The following FBRSL1 variants were observed in gnomAD, a reference collection of about 807,000 sequenced individuals.
FBRSL1 encodes fibrosin-1-like protein.
A neutral mutation model predicts 89.6 loss-of-function variants in FBRSL1; 51 were observed. The ratio of observed to expected loss-of-function variants is 0.57; its 90% CI spans 0.45 to 0.72. The LOEUF is 0.72. Ranked by LOEUF, FBRSL1 falls within the 30% of genes least tolerant of loss-of-function variation. The pLI, the probability that FBRSL1 is intolerant of heterozygous loss-of-function variation, is 0.00. For missense variants in FBRSL1, 1,618 were observed against 1,451.8 expected (o/e 1.11, Z -1.86); for synonymous variants, 779 against 681.1 (o/e 1.14, Z -2.24).
intron 2 of FBRSL1, chr12:132,511,099 G>A: frequency 3.0e-6 from 3 of 985,562 alleles, no homozygotes; most frequent in Non-Finnish European, 3.6e-6. Context: ...GTCAGGAGGT[G>A]CTGGTGTCCA....
At chr12:132,562,840 C>T (rs1431009388) in intron 5 of FBRSL1, among the ~76,000 whole-genome samples, 9 of 152,142 alleles carry the variant, frequency 5.9e-5, no homozygotes, top group Admixed American at 5.2e-4. Flanking sequence ...CTAGGAAGGG[C>T]TTCCCATTCC....
chr12:132,490,396 A>T lies in FBRSL1; in HGVS notation c.-175A>T. ...CCAGGCCGCGCCGGGCCCGGGGCTG[A>T]GCCGCCCCCCGCGCCCGGCATGCCC... is the stretch of plus-strand genomic sequence containing the variant. On this transcript the variant is annotated 5_prime_UTR_variant, in exon 1 of 19. The change abolishes the stop of an existing upstream ORF in the 5' untranslated region. Transcript: ENST00000680143. 4.3e-6 allele frequency: 1 copy of T among 231,850 alleles called. No homozygotes were observed. Among genetic ancestry groups the T allele is most frequent in the Non-Finnish European group, 6.6e-6 (1 of 150,420 alleles). The allele number at this position is 231,850 out of a possible 1,614,324, so 14.4% of individuals were successfully genotyped here.
intron 4 of FBRSL1, among the ~76,000 whole-genome samples, chr12:132,528,508 C>T (rs1398909790): frequency 1.3e-5 from 2 of 151,818 alleles, no homozygotes; most frequent in South Asian, 2.1e-4. Context: ...GCCAGCACCC[C>T]GTGGCGGGCA....
At chr12:132,529,344 C>A (rs993923165) in intron 4 of FBRSL1, among the ~76,000 whole-genome samples, 1 of 152,204 alleles carries the variant, frequency 6.6e-6, no homozygotes, top group Non-Finnish European at 1.5e-5. Flanking sequence ...GGCAAGGGAG[C>A]GGCATGGGCG....
chr12:132,531,717 C>G (rs887171920), intron 4 of FBRSL1, among the ~76,000 whole-genome samples: 1 of 152,200 alleles, frequency 6.6e-6, no homozygotes, highest in African/African-American at 2.4e-5. Flanking sequence ...GTGTTGTGCA[C>G]GTGTGCACCC....
chr12:132,525,833 C>T lies in FBRSL1; in HGVS notation c.579+10C>T. ...GGACCCGCTCAGCGATGTGAGTACC[C>T]AGCTGCCCGCGCCCGGAGGCTCCGA... On this transcript the variant is annotated intron_variant, in intron 3 of 18. Coordinates refer to ENST00000680143, the MANE Select transcript of FBRSL1 (RefSeq NM_001367871.1). The T allele has an allele frequency of 1.9e-6, 3 of 1,541,032 alleles. No individual in the cohort carries two copies. The South Asian group carries it at 3.6e-5, about 18-fold the overall frequency.
chr12:132,565,532 T>TACACGTACCGAGTGTGCTCAC (rs1248376334), intron 5 of FBRSL1: 1 of 151,514 alleles, frequency 6.6e-6, no homozygotes, highest in Admixed American at 6.6e-5. Context: ...AGTGTGCTCA[T>TACACGTACCGAGTGTGCTCAC]GTACACGTAC....
Position 132,525,725 on chromosome 12 carries a change from C to G in FBRSL1, c.490-9C>G. The G allele has an allele frequency of 8.4e-6, 13 of 1,546,556 alleles. No individual in the cohort carries two copies. Among genetic ancestry groups the G allele is most frequent in the Non-Finnish European group, 1.1e-5 (13 of 1,143,392 alleles). ...GGTTTGCCTGAGACAGTGTCTCTCTCTGTCCCAGATGAAGGTCACCGTGTC... is the reference window on the plus strand; with the variant it reads ...GGTTTGCCTGAGACAGTGTCTCTCTGTGTCCCAGATGAAGGTCACCGTGTC... On this transcript the variant is annotated splice_polypyrimidine_tract_variant and intron_variant, in intron 2 of 18. Coordinates refer to ENST00000680143, the MANE Select transcript of FBRSL1 (RefSeq NM_001367871.1).
At chr12:132,492,754 C>T (rs1425718427) in intron 1 of FBRSL1, among the ~76,000 whole-genome samples, 1 of 152,220 alleles carries the variant, frequency 6.6e-6, no homozygotes, top group Non-Finnish European at 1.5e-5. Context: ...TGCTGCGTGG[C>T]GTTAACACAG....
chr12:132,547,210 C>A (rs957535114), intron 4 of FBRSL1, among the ~76,000 whole-genome samples: 3 of 148,244 alleles, frequency 2.0e-5, no homozygotes, highest in African/African-American at 7.5e-5. Context: ...GGAGAACGGA[C>A]AGTCAGTGTG....
intron 1 of FBRSL1, among the ~76,000 whole-genome samples, chr12:132,494,137 C>A (rs1442695073): frequency 6.6e-6 from 1 of 152,184 alleles, no homozygotes; most frequent in Non-Finnish European, 1.5e-5. Context: ...CCGCTGGCCT[C>A]TCCCCTGCTC....
intron 4 of FBRSL1, among the ~76,000 whole-genome samples, chr12:132,543,581 C>T (rs1317899340): frequency 6.6e-6 from 1 of 152,156 alleles, no homozygotes; most frequent in East Asian, 1.9e-4. Context: ...TGTTGGCAGC[C>T]AATTTTAAAA....
At chr12:132,567,638 T>C (rs1172225091) in intron 6 of FBRSL1, 112 bp downstream of exon 6, 2 of 1,139,378 alleles carry the variant, frequency 1.8e-6, no homozygotes, top group Non-Finnish European at 2.6e-6. Context: ...TCTTGGCACC[T>C]GGGGTGCAGA....
intron 16 of FBRSL1, 64 bp from the exon 17 acceptor site, chr12:132,581,677 T>A (rs1020321604): frequency 4.6e-6 from 7 of 1,521,724 alleles, no homozygotes; most frequent in Non-Finnish European, 5.4e-6. Context: ...CAGCCCCCAC[T>A]GGGCCAGGTG....
chr12:132,532,617 G>A (rs1008328996), intron 4 of FBRSL1, among the ~76,000 whole-genome samples: 4 of 152,086 alleles, frequency 2.6e-5, no homozygotes, highest in Admixed American at 6.5e-5. Context: ...TGTGCTGAGC[G>A]TGTCCATGGC....
rs369176886 is a variant in FBRSL1, at chr12:132,502,970, C to T, written c.292-5183C>T. On this transcript the variant is annotated intron_variant, in intron 1 of 18. Coordinates refer to ENST00000680143, the MANE Select transcript of FBRSL1 (RefSeq NM_001367871.1). ...GGCAGCACTGCTGTTCTCCATGACACCGTCACCAATGGTCTGGGTCTCCGA... is the reference window on the plus strand; with the variant it reads ...GGCAGCACTGCTGTTCTCCATGACATCGTCACCAATGGTCTGGGTCTCCGA... Among the ~76,000 whole-genome samples the T allele has an allele frequency of 5.3e-5, 8 of 151,838 alleles. No individual in the cohort carries two copies. In the South Asian group the frequency reaches 1.7e-3, roughly 32 times the overall value.
chr12:132,565,532 T>TACATGTACCCGAGTGTGCTCAC (rs1248376334), intron 5 of FBRSL1: 2 of 151,514 alleles, frequency 1.3e-5, no homozygotes, highest in Non-Finnish European at 2.9e-5. Flanking sequence ...AGTGTGCTCA[T>TACATGTACCCGAGTGTGCTCAC]GTACACGTAC....
chr12:132,520,301 C>T (rs2035239128), intron 2 of FBRSL1, among the ~76,000 whole-genome samples: 2 of 152,136 alleles, frequency 1.3e-5, no homozygotes, highest in South Asian at 4.1e-4. Context: ...GGGAGAGCTC[C>T]CTTTCCCTGG....
intron 2 of FBRSL1, among the ~76,000 whole-genome samples, chr12:132,512,931 GTC>G (rs895325219): frequency 1.6e-4 from 25 of 152,242 alleles, no homozygotes; most frequent in African/African-American, 6.0e-4. Flanking sequence ...CGAACCCACT[GTC>G]TGCACTGGCT....
Sources: allele counts gnomAD v4.1 joint callset (sites outside exome capture counted in the v4.1 genomes callset), GRCh38; gene constraint gnomAD v4.1.1; transcripts MANE v1.5; gene names NCBI Gene and HGNC (gene_info 2026-07-23, HGNC 2026-07-21).